The following CEP152 variants were observed in gnomAD, a reference collection of about 807,000 sequenced individuals.
CEP152 encodes the protein centrosomal protein 152.
A neutral mutation model predicts 188.9 loss-of-function variants in CEP152; 132 were observed. The ratio of observed to expected loss-of-function variants is 0.70; its 90% CI spans 0.61 to 0.81. The LOEUF is 0.81. CEP152 is among the 30% of genes least tolerant of loss of function. CEP152 has a pLI of 0.00. For synonymous variants in CEP152, 649 were observed against 666.6 expected (o/e 0.97, Z 0.41); for missense variants, 1,914 against 1,969.8 (o/e 0.97, Z 0.54).
At chr15:48,731,744 C>G (rs1202891879) in intron 2 of CEP152, among the ~76,000 whole-genome samples, 1 of 152,146 alleles carries the variant, frequency 6.6e-6, no homozygotes, top group Non-Finnish European at 1.5e-5. Flanking sequence ...TCAGAGTGAA[C>G]AGGCAACCTA....
intron 22 of CEP152, among the ~76,000 whole-genome samples, chr15:48,745,518 T>A (rs1209358296): frequency 6.6e-6 from 1 of 151,770 alleles, no homozygotes; most frequent in East Asian, 1.9e-4. Flanking sequence ...GCGGGCTGAG[T>A]CCGAAAAGAG....
At chr15:48,806,922 T>A (rs542086261) in intron 1 of CEP152, among the ~76,000 whole-genome samples, 18 of 152,228 alleles carry the variant, frequency 1.2e-4, no homozygotes, top group Admixed American at 5.9e-4. Flanking sequence ...CTAGAATAGA[T>A]GAATATGGTA....
chr15:48,803,053 G>A (rs2140925421), intron 2 of CEP152, among the ~76,000 whole-genome samples: 1 of 152,358 alleles, frequency 6.6e-6, no homozygotes, highest in African/African-American at 2.4e-5. Flanking sequence ...CTATGAGTCA[G>A]ATGTGGTATG....
intron 2 of CEP152, among the ~76,000 whole-genome samples, chr15:48,800,436 C>T (rs750856326): frequency 1.3e-5 from 2 of 152,138 alleles, no homozygotes; most frequent in Admixed American, 6.5e-5. Flanking sequence ...TTCCCAGGAT[C>T]AAAGTGTGCC....
At chr15:48,802,340 C>T (rs1897718956) in intron 2 of CEP152, among the ~76,000 whole-genome samples, 1 of 152,106 alleles carries the variant, frequency 6.6e-6, no homozygotes, top group South Asian at 2.1e-4. Context: ...TAATGCCCTC[C>T]AGTTAGTTAG....
At position 48,764,607 on chromosome 15, in the gene CEP152, G is replaced by A. The variant is rs564887451; in HGVS notation, c.2281-1935C>T. ...AATGTTGACCATCTTTGCCTTGTCT[G>A]CAAATTCATAGGCTTCACTGATTAC... On this transcript the variant is annotated intron_variant, in intron 17 of 26. Transcript: ENST00000380950. 9.2e-5 allele frequency among the ~76,000 whole-genome samples: 14 copies of A among 152,254 alleles called. No homozygotes were observed. In the South Asian group the frequency reaches 2.5e-3, roughly 27 times the overall value.
intron 2 of CEP152, among the ~76,000 whole-genome samples, chr15:48,802,939 A>C (rs903789643): frequency 6.6e-6 from 1 of 152,262 alleles, no homozygotes; most frequent in Non-Finnish European, 1.5e-5. Context: ...ACAGCTTGGA[A>C]AAACATGCTG....
At position 48,795,742 on chromosome 15, in the gene CEP152, TC is replaced by T. The variant is rs576467892; in HGVS notation, c.691+267del. 1.3e-3 allele frequency among the ~76,000 whole-genome samples: 204 copies of T among 152,282 alleles called. 1 individual carries two copies. Among genetic ancestry groups the T allele is most frequent in the African/African-American group, 4.6e-3 (190 of 41,554 alleles). ...TCTCCCAGATTCAACAATTATGAAC[TC>T]ATGGCCAATTTGGCCACATCTATAT... On this transcript the variant is annotated intron_variant, in intron 6 of 26. Transcript: ENST00000380950.
At chr15:48,774,166 C>T (rs1405402272) in intron 12 of CEP152, among the ~76,000 whole-genome samples, 1 of 151,888 alleles carries the variant, frequency 6.6e-6, no homozygotes, top group East Asian at 1.9e-4. Context: ...GATCAGTGAA[C>T]ACATAGATAT....
Position 48,767,074 on chromosome 15 carries a change from GT to G in CEP152, c.2265del (p.Gln755HisfsTer27). On this transcript the variant is annotated frameshift_variant, in exon 17 of 27. Transcript: ENST00000380950. LOFTEE classifies it high-confidence loss of function. ...TTGTACTGTACCTTCTCCTGAGTCTGTTGCTCCTTTTCAGTGGTCTTCCTGA... is the reference window on the plus strand; with the variant it reads ...TTGTACTGTACCTTCTCCTGAGTCTGTGCTCCTTTTCAGTGGTCTTCCTGA... Reference protein sequence around the residue: ...LTLRKTTEKEQQTQEKIKEKL... With the variant: ...LTLRKTTEKEXQTQEKIKEKL... 6.2e-7 allele frequency: 1 copy of G among 1,613,056 alleles called. No homozygotes were observed. The highest frequency in any genetic ancestry group is 8.5e-7 in the Non-Finnish European group (1 of 1,180,000).
chr15:48,783,052 T>G (rs1006460909), intron 10 of CEP152: 5 of 152,200 alleles, frequency 3.3e-5, no homozygotes, highest in African/African-American at 4.8e-5. Flanking sequence ...TTTCACATAT[T>G]GTACCAACAG....
intron 14 of CEP152, 124 bp from the exon 15 acceptor site, chr15:48,768,452 T>C: frequency 3.2e-6 from 2 of 624,622 alleles, no homozygotes. Context: ...TTTGACATAT[T>C]ATTTTTACAA....
At chr15:48,756,654 T>G in intron 19 of CEP152, 101 bp from the exon 20 acceptor site, 1 of 1,035,566 alleles carries the variant, frequency 9.7e-7, no homozygotes, top group Non-Finnish European at 1.4e-6. Context: ...AGCTAGGAAA[T>G]GTAAAATCAA....
At chr15:48,794,563 A>C (rs1170472268) in intron 6 of CEP152, among the ~76,000 whole-genome samples, 1 of 152,204 alleles carries the variant, frequency 6.6e-6, no homozygotes, top group Non-Finnish European at 1.5e-5. Context: ...CTAATTTGGC[A>C]CTACCATTAA....
chr15:48,787,164 T>TTTTTTTTTG (rs1555425528), intron 9 of CEP152, among the ~76,000 whole-genome samples: 1 of 19,612 alleles, frequency 5.1e-5, no homozygotes, highest in African/African-American at 1.5e-4. Flanking sequence ...ATAGCCTTCG[T>TTTTTTTTTG]TTTTTTTTTT....
chr15:48,802,664 G>A (rs1320934676), intron 2 of CEP152, among the ~76,000 whole-genome samples: 3 of 152,026 alleles, frequency 2.0e-5, no homozygotes, highest in Non-Finnish European at 4.4e-5. Flanking sequence ...ATTTGTGATG[G>A]TCTCTGGCTT....
intron 18 of CEP152, among the ~76,000 whole-genome samples, chr15:48,761,062 T>G (rs1251881179): frequency 1.4e-4 from 21 of 152,194 alleles, no homozygotes; most frequent in Admixed American, 1.4e-3. Context: ...TTTATCTACT[T>G]AAAAAGTTAT....
intron 22 of CEP152, among the ~76,000 whole-genome samples, chr15:48,745,847 TTTC>T (rs1200386537): frequency 6.6e-6 from 1 of 152,170 alleles, no homozygotes; most frequent in Non-Finnish European, 1.5e-5. Context: ...TTTCTGAACT[TTTC>T]TTCACATGTT....
Position 48,748,502 on chromosome 15 carries a change from C to A in CEP152, c.3575G>T (p.Cys1192Phe). 6.5e-7 allele frequency: 1 copy of A among 1,534,952 alleles called. No homozygotes were observed. The highest frequency in any genetic ancestry group is 8.7e-7 in the Non-Finnish European group (1 of 1,146,258). Residue 1192 changes from cysteine (C) to phenylalanine (F), a missense_variant, in exon 22 of 27, where the codon TGC becomes TTC. Transcript: ENST00000380950. ...TTCTAAATGCTGAAGATGCCTACAG[C>A]ATTTCTCCAGTTTTCCTTTCAGATC... The part of the protein sequence containing the change: ...CQDLKGKLEK[C>F]CRHLQHLERK...
Sources: gnomAD v4.1 joint callset for allele counts (sites outside exome capture counted in the v4.1 genomes callset) on GRCh38, gnomAD v4.1.1 for gene constraint, MANE v1.5 for transcripts, NCBI Gene and HGNC (gene_info 2026-07-23, HGNC 2026-07-21) for gene names.